Variants in DICER1 observed in about 807,000 individuals in gnomAD.
DICER1 encodes the protein endoribonuclease Dicer.
Under a neutral mutation model 194.1 loss-of-function variants are expected in DICER1, and 43 were observed. That is an observed-to-expected ratio of 0.22 (90% confidence interval 0.17 to 0.29). The LOEUF (loss-of-function observed/expected upper bound fraction) is 0.29, where lower values mean the gene tolerates loss of function less well. Ranked by LOEUF, DICER1 falls within the 10% of genes least tolerant of loss-of-function variation. DICER1 has a pLI of 1.00. For missense variants in DICER1, 1,608 were observed against 2,317.0 expected, an observed-to-expected ratio of 0.69 and a Z score of 6.28; for synonymous variants, 832 against 820.5, an observed-to-expected ratio of 1.01 and a Z score of -0.24.
In DICER1 at chr14:95,106,297, G is replaced by T. The variant is rs376888138; in HGVS notation, c.2805-74C>A. The T allele has an allele frequency of 5.3e-6, 6 of 1,131,376 alleles. No individual in the cohort carries two copies. The East Asian group carries it at 7.3e-5, about 14-fold the overall frequency. 70.1% of individuals were successfully genotyped at this position (1,131,376 alleles called of 1,614,324 possible). On this transcript the variant is annotated intron_variant, in intron 17 of 26. Coordinates refer to ENST00000343455, the MANE Select transcript of DICER1 (RefSeq NM_177438.3). Reference sequence around the variant, plus strand: ...AACTATTCTCAAAATACAACTGTTTGTAGTATGGAAATGATGATTAAGAAT... The same window carrying T: ...AACTATTCTCAAAATACAACTGTTTTTAGTATGGAAATGATGATTAAGAAT...
At chr14:95,132,350 C>CA (rs2140285656) in intron 3 of DICER1, among the ~76,000 whole-genome samples, 165 bp downstream of exon 3, 1 of 152,214 alleles carries the variant, frequency 6.6e-6, no homozygotes, top group Admixed American at 6.5e-5. Context: ...AGAGAAACAG[C>CA]AAAAAGAAAT....
chr14:95,102,291 C>T (rs2139937559), intron 21 of DICER1, among the ~76,000 whole-genome samples: 1 of 152,176 alleles, frequency 6.6e-6, no homozygotes, highest in East Asian at 1.9e-4. Flanking sequence ...TTTCAACTCA[C>T]ACTACATTCT....
At chr14:95,094,477 C>A (rs1890135220) in intron 23 of DICER1, among the ~76,000 whole-genome samples, 1 of 152,190 alleles carries the variant, frequency 6.6e-6, no homozygotes, top group Admixed American at 6.5e-5. Flanking sequence ...ACTGTGCTGT[C>A]TGGGCAGGTG....
At chr14:95,140,988 A>C (rs912874328) in intron 1 of DICER1, among the ~76,000 whole-genome samples, 2 of 152,250 alleles carry the variant, frequency 1.3e-5, no homozygotes, top group Non-Finnish European at 2.9e-5. Flanking sequence ...ATCTGGGAGA[A>C]ATAAAGAGCT....
At chr14:95,147,172 A>ACAG (rs1344634502) in intron 1 of DICER1, among the ~76,000 whole-genome samples, 1 of 152,226 alleles carries the variant, frequency 6.6e-6, no homozygotes, top group Non-Finnish European at 1.5e-5. Context: ...AGGTATTGAA[A>ACAG]ACATCCTCCC....
chr14:95,106,857 T>C (rs1309336665), intron 17 of DICER1, among the ~76,000 whole-genome samples: 1 of 152,134 alleles, frequency 6.6e-6, no homozygotes, highest in Non-Finnish European at 1.5e-5. Context: ...ATGAAATCAT[T>C]ATTTATAATC....
Position 95,108,047 on chromosome 14 carries a change from G to A in DICER1, c.2483C>T (p.Ser828Phe). 1.2e-6 allele frequency: 2 copies of A among 1,613,930 alleles called. No homozygotes were observed. Among genetic ancestry groups the A allele is most frequent in the Non-Finnish European group, 8.5e-7 (1 of 1,179,846 alleles). The stretch of plus-strand genomic sequence containing the variant: ...GAAACCAGACTTCTTCAACTCAATG[G>A]ATATGGTAACCTCTCCAGAGCGTGT... ...VYTRSGEVTISIELKKSGFML... is the reference protein window; with the variant it reads ...VYTRSGEVTIFIELKKSGFML... Residue 828 changes from serine (S) to phenylalanine (F), a missense_variant, in exon 16 of 27, where the codon TCC (serine) becomes TTC (phenylalanine). Ser to Phe is a radical substitution (Grantham distance 155). Transcript: ENST00000343455.
At chr14:95,122,921 TGCGCGTGCGTGTACGCGCGCGC>T (rs1382399599) in intron 8 of DICER1, among the ~76,000 whole-genome samples, 1 of 151,102 alleles carries the variant, frequency 6.6e-6, no homozygotes, top group Non-Finnish European at 1.5e-5. Context: ...TAAGCGCGTG[TGCGCGTGCGTGTACGCGCGCGC>T]GCGCGCACAC....
chr14:95,151,156 GA>G (rs774071966), intron 1 of DICER1, among the ~76,000 whole-genome samples: 1 of 152,238 alleles, frequency 6.6e-6, no homozygotes, highest in Non-Finnish European at 1.5e-5. Flanking sequence ...CATAGCAGAT[GA>G]AGAATGTGTT....
rs1421978355 is a variant in DICER1 at position 95,130,154 on chromosome 14, C to T, written c.477G>A (p.Leu159=). The T allele has an allele frequency of 5.0e-6, 8 of 1,613,016 alleles. No homozygotes were observed. The highest frequency in any genetic ancestry group is 1.3e-5 in the African/African-American group (1 of 74,856). ...IMTCYVALNV[L]KNGYLSLSDI... ...CTGACAGTGATAAGTAACCATTTTT[C>T]AAAACATTCAAGGCGACATAGCAAG... is the stretch of plus-strand genomic sequence containing the variant. The change falls in exon 5 of 27, where the codon TTG becomes TTA. Residue 159 remains leucine, a synonymous_variant. Transcript: ENST00000343455.
chr14:95,098,930 T>C (rs1890605110), intron 22 of DICER1, among the ~76,000 whole-genome samples: 1 of 152,146 alleles, frequency 6.6e-6, no homozygotes, highest in South Asian at 2.1e-4. Flanking sequence ...ATATATAGGA[T>C]ACATGCATCA....
intron 8 of DICER1, among the ~76,000 whole-genome samples, chr14:95,122,403 C>T (rs535258595): frequency 6.6e-6 from 1 of 152,284 alleles, no homozygotes; most frequent in Admixed American, 6.5e-5. Flanking sequence ...AGGCTTACAA[C>T]TGCGCCAGCA....
At chr14:95,097,641 T>C (rs919696831) in intron 22 of DICER1, among the ~76,000 whole-genome samples, 2 of 152,150 alleles carry the variant, frequency 1.3e-5, no homozygotes, top group Non-Finnish European at 2.9e-5. Flanking sequence ...CCAAAAAACT[T>C]GTGAAGGGGG....
At chr14:95,140,584 C>T (rs1409384777) in intron 1 of DICER1, 1 of 152,158 alleles carries the variant, frequency 6.6e-6, no homozygotes. Flanking sequence ...CAATGCATGA[C>T]TGTAATTTAG....
At chr14:95,112,279 T>C (rs1303636144) in intron 12 of DICER1, 32 bp from the exon 13 acceptor site, 5 of 1,558,166 alleles carry the variant, frequency 3.2e-6, no homozygotes, top group African/African-American at 1.4e-5. Flanking sequence ...CCATTATATA[T>C]GCACATCGCT....
At chr14:95,109,715 A>T (rs926219154) in intron 14 of DICER1, among the ~76,000 whole-genome samples, 1 of 152,236 alleles carries the variant, frequency 6.6e-6, no homozygotes, top group Non-Finnish European at 1.5e-5. Flanking sequence ...ATAAAGTAAA[A>T]ACTTGGTAAA....
Position 95,103,008 on chromosome 14 carries a change from C to T in DICER1, c.4050+338G>A, listed in dbSNP as rs1595362724. ...AAAGCAGAAGCTCCTTGACTGACTA[C>T]AATGCACATTTCTTCATATCCCCCT... On this transcript the variant is annotated intron_variant, in intron 21 of 26. Transcript: ENST00000343455. 2.0e-5 allele frequency among the ~76,000 whole-genome samples: 3 copies of T among 152,344 alleles called. No individual in the cohort carries two copies. The East Asian group carries it at 5.8e-4, about 29-fold the overall frequency.
At chr14:95,096,817 C>G in intron 22 of DICER1, 104 bp from the exon 23 acceptor site, 1 of 1,342,294 alleles carries the variant, frequency 7.4e-7, no homozygotes, top group Non-Finnish European at 1.0e-6. Context: ...CAAATGACAA[C>G]CACAAATACT....
chr14:95,153,934 A>C lies in DICER1; in HGVS notation c.-46+3296T>G, dbSNP rs190926899. Among the ~76,000 whole-genome samples, 28 of 152,354 alleles carry C rather than the reference A, an allele frequency of 1.8e-4. 1 individual carries two copies. In the Middle Eastern group the frequency reaches 0.014, roughly 74 times the overall value. The stretch of plus-strand genomic sequence containing the variant: ...AAGACTAGTCATTTGGCAAGTCGTA[A>C]ATTGCAAAGAAACCTGTGAATAAGA... On this transcript the variant is annotated intron_variant, in intron 1 of 26. Coordinates refer to ENST00000343455, the MANE Select transcript of DICER1 (RefSeq NM_177438.3).
Sources: gnomAD v4.1 joint callset for allele counts (sites outside exome capture counted in the v4.1 genomes callset) on GRCh38, gnomAD v4.1.1 for gene constraint, MANE v1.5 for transcripts, NCBI Gene and HGNC (gene_info 2026-07-23, HGNC 2026-07-21) for gene names.